The following GRIN2A variants were observed in gnomAD, a reference collection of about 807,000 sequenced individuals.
GRIN2A encodes glutamate receptor ionotropic, NMDA 2A.
Under a neutral mutation model 113.4 loss-of-function variants are expected in GRIN2A, and 22 were observed. That is an observed-to-expected ratio of 0.19 (90% CI 0.14 to 0.28). GRIN2A has a LOEUF of 0.28. GRIN2A is among the 10% of genes least tolerant of loss of function. The pLI is 1.00. For missense variants in GRIN2A, 1,502 were observed against 1,887.0 expected (o/e 0.80, Z 3.78); for synonymous variants, 827 against 738.4 (o/e 1.12, Z -1.94).
At position 9,938,440 on chromosome 16, in the gene GRIN2A, T is replaced by C. The variant is rs2044769611; in HGVS notation, c.526A>G (p.Ile176Val). ...DWHVFSLVTT[I>V]FPGYREFISF... The stretch of plus-strand genomic sequence containing the variant: ...ATGAATTCCCTGTAGCCAGGGAAGA[T>C]AGTGGTCACCAGGGAGAAGACATGC... Residue 176 changes from isoleucine (I) to valine (V), a missense_variant, in exon 3 of 13, where the codon ATC becomes GTC. By Grantham distance (29) the Ile-to-Val change is conservative. Around this residue, in one of 7 missense-constraint regions of GRIN2A, gnomAD observed 334 missense variants for 403.0 expected, o/e 0.83. Coordinates refer to ENST00000330684, the MANE Select transcript of GRIN2A (RefSeq NM_001134407.3). The C allele has an allele frequency of 1.9e-6, 3 of 1,613,762 alleles. No homozygotes were observed. Among genetic ancestry groups the C allele is most frequent in the African/African-American group, 2.7e-5 (2 of 74,914 alleles).
chr16:9,809,501 A>T (rs188387346), intron 10 of GRIN2A, among the ~76,000 whole-genome samples: 3 of 152,362 alleles, frequency 2.0e-5, no homozygotes, highest in Non-Finnish European at 4.4e-5. Context: ...CAAACAGACA[A>T]CAGATTGGCA....
At chr16:10,179,961 T>G in intron 2 of GRIN2A, 37 bp downstream of exon 2, 1 of 1,592,554 alleles carries the variant, frequency 6.3e-7, no homozygotes, top group Non-Finnish European at 8.6e-7. Context: ...GCTGGTGGCT[T>G]CCCAGGTCCT....
At chr16:9,872,232 C>T (rs1446845998) in intron 4 of GRIN2A, among the ~76,000 whole-genome samples, 2 of 152,126 alleles carry the variant, frequency 1.3e-5, no homozygotes, top group Non-Finnish European at 2.9e-5. Flanking sequence ...ACAAATGTTA[C>T]CCCTGGCCAA....
intron 2 of GRIN2A, among the ~76,000 whole-genome samples, chr16:10,046,357 C>G (rs2047258475): frequency 6.6e-6 from 1 of 150,972 alleles, no homozygotes; most frequent in Non-Finnish European, 1.5e-5. Context: ...AGCCATGGCT[C>G]CTCAGTTAAC....
chr16:9,764,536 T>C lies in GRIN2A; in HGVS notation c.3008A>G (p.Glu1003Gly). The change falls in exon 13 of 13, where the codon GAA becomes GGA. Residue 1003 changes from glutamate (E) to glycine (G), a missense_variant. Glu to Gly is a moderately conservative substitution (Grantham distance 98). Coordinates refer to ENST00000330684, the MANE Select transcript of GRIN2A (RefSeq NM_001134407.3). Reference protein sequence around the residue: ...PNTVEVAVSTESKANSRPRQL... With the variant: ...PNTVEVAVSTGSKANSRPRQL... ...CCGGGGTCTAGAGTTCGCTTTGGAT[T>C]CTGTGCTCACGGCCACCTCCACCGT... 1 of 1,614,034 alleles carries C rather than the reference T, an allele frequency of 6.2e-7. No homozygotes were observed. The highest frequency in any genetic ancestry group is 8.5e-7 in the Non-Finnish European group (1 of 1,180,016).
At chr16:9,898,861 G>C (rs1043736380) in intron 3 of GRIN2A, among the ~76,000 whole-genome samples, 1 of 141,138 alleles carries the variant, frequency 7.1e-6, no homozygotes, top group Non-Finnish European at 1.5e-5. Flanking sequence ...CAACTTTGAT[G>C]TCTATCTTAG....
intron 2 of GRIN2A, among the ~76,000 whole-genome samples, chr16:9,958,605 G>A (rs939769775): frequency 3.9e-5 from 6 of 152,096 alleles, no homozygotes; most frequent in African/African-American, 1.4e-4. Flanking sequence ...CAGACCCCAT[G>A]GGATGGAAGC....
chr16:9,907,089 A>C (rs118052045), intron 3 of GRIN2A, among the ~76,000 whole-genome samples: 1 of 152,196 alleles, frequency 6.6e-6, no homozygotes, highest in East Asian at 1.9e-4. Context: ...CTGGGATTAC[A>C]GGCATGAATC....
At chr16:10,062,884 G>A (rs1300084064) in intron 2 of GRIN2A, among the ~76,000 whole-genome samples, 1 of 151,538 alleles carries the variant, frequency 6.6e-6, no homozygotes, top group Non-Finnish European at 1.5e-5. Context: ...AAAAGAAGAA[G>A]AAAAGAAAAA....
At chr16:10,068,948 G>T (rs537616173) in intron 2 of GRIN2A, among the ~76,000 whole-genome samples, 1 of 152,230 alleles carries the variant, frequency 6.6e-6, no homozygotes, top group African/African-American at 2.4e-5. Context: ...CTGACAGAGA[G>T]CACAGGTGAC....
intron 7 of GRIN2A, among the ~76,000 whole-genome samples, chr16:9,836,661 G>C (rs1239501387): frequency 6.6e-6 from 1 of 152,174 alleles, no homozygotes; most frequent in Non-Finnish European, 1.5e-5. Context: ...AGTAAATTAA[G>C]TACCTATCAG....
At chr16:10,146,677 C>A (rs2049446471) in intron 2 of GRIN2A, among the ~76,000 whole-genome samples, 1 of 151,972 alleles carries the variant, frequency 6.6e-6, no homozygotes, top group East Asian at 1.9e-4. Flanking sequence ...GAGTCTCTGG[C>A]AAGAGGTGAA....
At chr16:10,072,946 C>CCCCTTTTTTT (rs565877354) in intron 2 of GRIN2A, among the ~76,000 whole-genome samples, 9 of 104,228 alleles carry the variant, frequency 8.6e-5, no homozygotes, top group African/African-American at 1.8e-4. Context: ...ACAAGACCCC[C>CCCCTTTTTTT]TTTTTTTTTT....
chr16:10,124,930 G>A (rs975448396), intron 2 of GRIN2A, among the ~76,000 whole-genome samples: 1 of 152,148 alleles, frequency 6.6e-6, no homozygotes, highest in African/African-American at 2.4e-5. Flanking sequence ...GTCAACCAGT[G>A]CAGAATAGTG....
chr16:10,144,221 G>T (rs1444869143), intron 2 of GRIN2A, among the ~76,000 whole-genome samples: 3 of 152,122 alleles, frequency 2.0e-5, no homozygotes, highest in African/African-American at 7.2e-5. Flanking sequence ...TTTTCGAGGA[G>T]CCGCCATACT....
At chr16:10,023,069 A>C (rs1211863218) in intron 2 of GRIN2A, among the ~76,000 whole-genome samples, 1 of 152,238 alleles carries the variant, frequency 6.6e-6, no homozygotes, top group Non-Finnish European at 1.5e-5. Flanking sequence ...ATGATCAGCC[A>C]GACTTCCCAA....
At chr16:9,957,989 C>G (rs1433653862) in intron 2 of GRIN2A, among the ~76,000 whole-genome samples, 1 of 152,206 alleles carries the variant, frequency 6.6e-6, no homozygotes, top group Non-Finnish European at 1.5e-5. Flanking sequence ...CTTCTCTAGT[C>G]TTTCCTCTCA....
At chr16:10,074,126 T>C (rs898933950) in intron 2 of GRIN2A, among the ~76,000 whole-genome samples, 1 of 152,172 alleles carries the variant, frequency 6.6e-6, no homozygotes, top group Admixed American at 6.5e-5. Flanking sequence ...CATAAAAATA[T>C]GCTCAATACA....
intron 2 of GRIN2A, among the ~76,000 whole-genome samples, chr16:10,140,275 A>ATGCCGG (rs1490801260): frequency 6.6e-6 from 1 of 152,202 alleles, no homozygotes; most frequent in African/African-American, 2.4e-5. Flanking sequence ...CCGGCAAAAC[A>ATGCCGG]CACAGTATAC....
Sources: gnomAD v4.1 joint callset for allele counts (sites outside exome capture counted in the v4.1 genomes callset) on GRCh38, gnomAD v4.1.1 for gene constraint, gnomAD v4.1.1 regional missense constraint, MANE v1.5 for transcripts, NCBI Gene and HGNC (gene_info 2026-07-23, HGNC 2026-07-21) for gene names.